KANSL3: variants seen among roughly 807,000 people sequenced by gnomAD.
KANSL3 encodes NSL complex protein NSL3.
KANSL3 carries 16 observed loss-of-function variants against 89.2 expected under a neutral mutation model. The observed-to-expected ratio is 0.18, with a 90% confidence interval of 0.12 to 0.27. KANSL3 has a LOEUF of 0.27. KANSL3 is among the 10% of genes least tolerant of loss of function. The pLI is 1.00. For missense variants in KANSL3, 879 were observed against 1,110.6 expected, an observed-to-expected ratio of 0.79 and a Z score of 2.96; for synonymous variants, 385 against 419.7, an observed-to-expected ratio of 0.92 and a Z score of 1.01.
At position 96,604,336 on chromosome 2, in the gene KANSL3, G is replaced by A. The variant is rs1447080961; in HGVS notation, c.2063C>T (p.Ser688Leu). ...GGGTGCAGTGCTGCTGGAGACCACT[G>A]AAGGGACTGGGCTGGCTGAGACTCC... is the stretch of plus-strand genomic sequence containing the variant. ...EGGVSASPVP[S>L]VVSSSTAPSA... Residue 688 changes from serine to leucine, a missense_variant, in exon 17 of 21, where the codon TCA becomes TTA. Coordinates refer to ENST00000431828, the MANE Select transcript of KANSL3 (RefSeq NM_001115016.3). The A allele has an allele frequency of 6.2e-7, 1 of 1,613,238 alleles. No individual in the cohort carries two copies. Among genetic ancestry groups the A allele is most frequent in the East Asian group, 2.2e-5 (1 of 44,892 alleles).
At chr2:96,634,559 G>T (rs994648698) in intron 2 of KANSL3, among the ~76,000 whole-genome samples, 5 of 151,330 alleles carry the variant, frequency 3.3e-5, no homozygotes, top group African/African-American at 1.2e-4. Context: ...TGCCCCAAGG[G>T]TCCTTCCCCA....
intron 2 of KANSL3, among the ~76,000 whole-genome samples, chr2:96,633,961 A>G (rs1305387055): frequency 2.0e-5 from 3 of 152,242 alleles, no homozygotes; most frequent in Admixed American, 6.5e-5. Flanking sequence ...CACACTGGAC[A>G]TCCCAGGTAT....
the KANSL3 span, among the ~76,000 whole-genome samples, chr2:96,581,017 G>T: frequency 6.6e-6 from 1 of 152,360 alleles, no homozygotes; most frequent in Non-Finnish European, 1.5e-5. Context: ...TCAACCAGCG[G>T]CTGTGCAGCC....
rs923322883 is a variant in KANSL3, at chr2:96,603,290, ATTTT to A, written c.2150-432_2150-429del. 3 of 154,670 alleles carry A rather than the reference ATTTT, an allele frequency of 1.9e-5. No individual in the cohort carries two copies. In the East Asian group the frequency reaches 5.8e-4, roughly 30 times the overall value. The allele number at this position is 154,670 out of a possible 1,614,324, so 9.6% of individuals were successfully genotyped here. ...AAAGGAAAAGGGTTTATTTTATTTTATTTTTTTTTGAGACGGAGTTTCGCTCTCG... is the reference window on the plus strand; with the variant it reads ...AAAGGAAAAGGGTTTATTTTATTTTATTTTTGAGACGGAGTTTCGCTCTCG... On this transcript the variant is annotated intron_variant, in intron 17 of 20. Transcript: ENST00000431828.
intron 20 of KANSL3, among the ~76,000 whole-genome samples, chr2:96,598,975 GAAT>G (rs1483583482): frequency 7.7e-5 from 8 of 104,526 alleles, no homozygotes; most frequent in African/African-American, 2.2e-4. Context: ...GATTCTAAAA[GAAT>G]AATGGAAAAA....
chr2:96,604,458 T>TGGG, intron 16 of KANSL3, 78 bp from the exon 17 acceptor site: 2 of 1,523,080 alleles, frequency 1.3e-6, no homozygotes, highest in Admixed American at 2.0e-5. Context: ...GGGTACAGAG[T>TGGG]GGGGCCCAGC....
chr2:96,634,854 T>C (rs927413748), intron 2 of KANSL3, among the ~76,000 whole-genome samples: 4 of 152,200 alleles, frequency 2.6e-5, no homozygotes, highest in African/African-American at 9.6e-5. Flanking sequence ...ATCACAAACC[T>C]ATCCTCCTCC....
At chr2:96,632,368 G>A (rs1039649429) in intron 2 of KANSL3, among the ~76,000 whole-genome samples, 5 of 152,008 alleles carry the variant, frequency 3.3e-5, no homozygotes, top group African/African-American at 1.2e-4. Flanking sequence ...TGAAGTGGGA[G>A]GATGGCTTGC....
At chr2:96,605,823 C>T in intron 14 of KANSL3, 1 of 196,214 alleles carries the variant, frequency 5.1e-6, no homozygotes. Context: ...CCTGACCCTG[C>T]CTAGCCAAGG....
At chr2:96,605,039 T>C (rs1443352979) in intron 15 of KANSL3, among the ~76,000 whole-genome samples, 176 bp from the exon 16 acceptor site, 1 of 152,230 alleles carries the variant, frequency 6.6e-6, no homozygotes, top group Admixed American at 6.5e-5. Context: ...TTTTCTAAAC[T>C]TCCTGAAATA....
intron 3 of KANSL3, among the ~76,000 whole-genome samples, chr2:96,623,481 G>A (rs2071697403): frequency 6.6e-6 from 1 of 152,188 alleles, no homozygotes; most frequent in African/African-American, 2.4e-5. Context: ...GCAGATGGAG[G>A]ACAAATTACC....
chr2:96,602,187 A>T lies in KANSL3; in HGVS notation c.2411T>A (p.Leu804Gln). ...CAACTTAGCGAGGCCCCCATTGGTC[A>T]GCAGCTGGTGGATGGCTGTGGGCTT... ...GGKPTAIHQLLTNGGLAKLAS... is the reference protein window; with the variant it reads ...GGKPTAIHQLQTNGGLAKLAS... Residue 804 changes from leucine (L) to glutamine (Q), a missense_variant, in exon 19 of 21, where the codon CTG (leucine) becomes CAG (glutamine). This residue lies in a region of KANSL3 where 89 missense variants were observed against 139.7 expected (regional missense o/e 0.64). Coordinates refer to ENST00000431828, the MANE Select transcript of KANSL3 (RefSeq NM_001115016.3). The T allele has an allele frequency of 1.2e-6, 2 of 1,605,714 alleles. No individual in the cohort carries two copies. The highest frequency in any genetic ancestry group is 4.5e-5 in the East Asian group (2 of 44,580).
intron 14 of KANSL3, among the ~76,000 whole-genome samples, chr2:96,607,559 A>G (rs1353310099): frequency 6.6e-6 from 1 of 152,208 alleles, no homozygotes; most frequent in Non-Finnish European, 1.5e-5. Flanking sequence ...GCCACCACTC[A>G]TGAAGATCCA....
At position 96,595,077 on chromosome 2, in the gene KANSL3, G is replaced by A. The variant is rs1201147774; in HGVS notation, c.*534C>T. On this transcript the variant is annotated 3_prime_UTR_variant, in exon 21 of 21. Coordinates refer to ENST00000431828, the MANE Select transcript of KANSL3 (RefSeq NM_001115016.3). ...GGAGTTGCATGGGGAGCACTCTCCC[G>A]TGGCTGCTGAGTGAAGGCAACAGTG... 4 of 152,642 alleles carry A rather than the reference G, an allele frequency of 2.6e-5. No homozygotes were observed. The highest frequency in any genetic ancestry group is 7.2e-5 in the African/African-American group (3 of 41,424). The allele number at this position is 152,642 out of a possible 1,614,324, so 9.5% of individuals were successfully genotyped here.
rs1262994937 is a variant in KANSL3 at position 96,613,539 on chromosome 2, T to C, written c.744A>G (p.Leu248=). The C allele has an allele frequency of 6.2e-7, 1 of 1,613,394 alleles. No homozygotes were observed. Among genetic ancestry groups the C allele is most frequent in the Non-Finnish European group, 8.5e-7 (1 of 1,179,636 alleles). The stretch of plus-strand genomic sequence containing the variant: ...CAGCAGGGTCCCAGGGCCTCTTCAG[T>C]AGGAGAGACAAGGCCTCAGCTCCTG... ...GAAGAEALSL[L]LKRPWDPAVG... The change falls in exon 6 of 21, where the codon CTA becomes CTG. Residue 248 remains leucine (L), a synonymous_variant. Transcript: ENST00000431828.
At position 96,594,876 on chromosome 2, in the gene KANSL3, G is replaced by A. The variant is rs1032124199; in HGVS notation, c.*735C>T. 3.9e-5 allele frequency: 6 copies of A among 152,260 alleles called. No individual in the cohort carries two copies. The highest frequency in any genetic ancestry group is 1.4e-4 in the African/African-American group (6 of 41,452). 9.4% of individuals were successfully genotyped at this position (152,260 alleles called of 1,614,324 possible). On this transcript the variant is annotated 3_prime_UTR_variant, in exon 21 of 21. Coordinates refer to ENST00000431828, the MANE Select transcript of KANSL3 (RefSeq NM_001115016.3). ...ATACAGAAACTGCCCAAAGCATGGT[G>A]AAAAAGACAAAGGGCCCAGGTTTCA...
downstream of KANSL3, among the ~76,000 whole-genome samples, chr2:96,589,111 T>C (rs541027889): frequency 1.3e-5 from 2 of 152,170 alleles, no homozygotes; most frequent in East Asian, 3.9e-4. Context: ...TAAACCAAAA[T>C]TGTATTCTAA....
At chr2:96,627,794 G>T in intron 3 of KANSL3, 1 of 609,244 alleles carries the variant, frequency 1.6e-6, no homozygotes, top group Non-Finnish European at 2.6e-6. Context: ...TATAATCAGA[G>T]CAGAAGGAAC....
intron 3 of KANSL3, among the ~76,000 whole-genome samples, chr2:96,622,075 T>C (rs189373671): frequency 7.3e-5 from 11 of 151,032 alleles, no homozygotes; most frequent in Admixed American, 4.0e-4. Context: ...GACAGTGCCA[T>C]TGCACTCCAG....
Sources: allele counts gnomAD v4.1 joint callset (sites outside exome capture counted in the v4.1 genomes callset), GRCh38; gene constraint gnomAD v4.1.1; regional missense constraint gnomAD v4.1.1; transcripts MANE v1.5; gene names NCBI Gene and HGNC (gene_info 2026-07-23, HGNC 2026-07-21).